LEKR1: variants seen among roughly 807,000 people sequenced by gnomAD.
The protein encoded by LEKR1 is leucine, glutamate and lysine rich 1, also known as protein LEKR1.
In LEKR1, 59 loss-of-function variants were observed where a neutral mutation model predicts 72.4. That is an observed-to-expected ratio of 0.82 (90% CI 0.66 to 1.01). The LOEUF (loss-of-function observed/expected upper bound fraction) is 1.01. Ranked by LOEUF, LEKR1 falls within the 50% of genes least tolerant of loss-of-function variation. The pLI is 0.00. For synonymous variants in LEKR1, 257 were observed against 263.2 expected, an observed-to-expected ratio of 0.98 and a Z score of 0.23; for missense variants, 728 against 759.2, an observed-to-expected ratio of 0.96 and a Z score of 0.48.
chr3:157,038,598 G>A lies in LEKR1; in HGVS notation c.1669-6742G>A, dbSNP rs111689201. Among the ~76,000 whole-genome samples, 227 of 152,252 alleles carry A rather than the reference G, an allele frequency of 1.5e-3. 1 individual carries two copies. The highest frequency in any genetic ancestry group is 5.2e-3 in the African/African-American group (217 of 41,556). On this transcript the variant is annotated intron_variant, in intron 12 of 12. Transcript: ENST00000356539. ...CCTGGGAAGAGGAGTAGAATCTAGC[G>A]ATGGTGACAGAAAAGGAACTTCTGG...
intron 3 of LEKR1, among the ~76,000 whole-genome samples, chr3:156,879,256 G>A (rs966047045): frequency 1.3e-5 from 2 of 152,172 alleles, no homozygotes; most frequent in Non-Finnish European, 2.9e-5. Context: ...GGTTGAGGTG[G>A]TCTCAGATGG....
chr3:156,987,561 A>T (rs1730800289), intron 7 of LEKR1, among the ~76,000 whole-genome samples: 1 of 152,236 alleles, frequency 6.6e-6, no homozygotes, highest in Admixed American at 6.5e-5. Context: ...CTTGGAAAAT[A>T]CAAGGATATA....
chr3:156,999,020 C>A (rs1212513303), intron 9 of LEKR1, among the ~76,000 whole-genome samples: 1 of 152,140 alleles, frequency 6.6e-6, no homozygotes, highest in African/African-American at 2.4e-5. Flanking sequence ...TGAGTGAGTT[C>A]TCACGAGATC....
At chr3:156,916,992 A>G (rs115730807) in intron 3 of LEKR1, among the ~76,000 whole-genome samples, 1,681 of 152,242 alleles carry the variant, frequency 0.011, 11 homozygotes, top group Non-Finnish European at 0.015. Context: ...AAAGAGTCTC[A>G]AAGAGAAACA....
intron 7 of LEKR1, among the ~76,000 whole-genome samples, chr3:156,981,924 C>A (rs1730241593): frequency 6.6e-6 from 1 of 152,130 alleles, no homozygotes; most frequent in African/African-American, 2.4e-5. Context: ...CATTTTTAAT[C>A]CTTATTCTTT....
chr3:156,921,140 T>C (rs190585958), intron 4 of LEKR1: 24 of 152,370 alleles, frequency 1.6e-4, no homozygotes, highest in African/African-American at 5.8e-4. Flanking sequence ...CTTTGGAGGG[T>C]TTATAATACC....
intron 5 of LEKR1, among the ~76,000 whole-genome samples, chr3:156,939,978 A>G (rs1008144590): frequency 2.0e-5 from 3 of 152,042 alleles, no homozygotes; most frequent in African/African-American, 7.2e-5. Flanking sequence ...TTTCTTTTGG[A>G]TATGTGTTTT....
intron 5 of LEKR1, among the ~76,000 whole-genome samples, chr3:156,935,678 A>G (rs1725630620): frequency 1.3e-5 from 2 of 152,192 alleles, no homozygotes; most frequent in African/African-American, 4.8e-5. Flanking sequence ...TGAAAAGATG[A>G]CCGGGAGCCT....
intron 6 of LEKR1, among the ~76,000 whole-genome samples, chr3:156,972,652 A>C (rs1729329843): frequency 6.6e-6 from 1 of 151,382 alleles, no homozygotes; most frequent in Non-Finnish European, 1.5e-5. Flanking sequence ...ATATATAAGG[A>C]CAAATATATC....
At chr3:156,954,117 G>T (rs1163745848) in intron 6 of LEKR1, among the ~76,000 whole-genome samples, 1 of 151,968 alleles carries the variant, frequency 6.6e-6, no homozygotes, top group Admixed American at 6.6e-5. Context: ...TAATGATCAT[G>T]ATGATGAGCT....
At chr3:156,922,070 A>T (rs1202351857) in intron 4 of LEKR1, among the ~76,000 whole-genome samples, 1 of 152,180 alleles carries the variant, frequency 6.6e-6, no homozygotes, top group Non-Finnish European at 1.5e-5. Flanking sequence ...TCTGACTTAC[A>T]TAAAAATAGT....
intron 3 of LEKR1, among the ~76,000 whole-genome samples, chr3:156,870,610 T>A (rs959293153): frequency 6.6e-6 from 1 of 152,110 alleles, no homozygotes; most frequent in South Asian, 2.1e-4. Flanking sequence ...TTTCTAGATA[T>A]TTATATCATC....
intron 6 of LEKR1, chr3:156,977,490 A>C (rs1729798887): frequency 2.3e-6 from 1 of 444,404 alleles, no homozygotes; most frequent in Non-Finnish European, 4.4e-6. Flanking sequence ...TTGCAAGAGA[A>C]TCTCCCTTAG....
chr3:156,894,250 T>C (rs1053777646), intron 3 of LEKR1, among the ~76,000 whole-genome samples: 6 of 152,202 alleles, frequency 3.9e-5, no homozygotes, highest in African/African-American at 1.2e-4. Context: ...CTTCTTTTGC[T>C]GATACTTTCT....
At chr3:157,036,323 G>T (rs920433753) in intron 12 of LEKR1, among the ~76,000 whole-genome samples, 1 of 152,016 alleles carries the variant, frequency 6.6e-6, no homozygotes, top group African/African-American at 2.4e-5. Flanking sequence ...CAATATTTGG[G>T]TTAGATGATA....
At chr3:156,920,288 A>G (rs1724069094) in intron 3 of LEKR1, among the ~76,000 whole-genome samples, 1 of 152,154 alleles carries the variant, frequency 6.6e-6, no homozygotes, top group African/African-American at 2.4e-5. Flanking sequence ...ATTAATATTT[A>G]TGTTCATTGT....
At chr3:156,997,929 G>A (rs73873765) in intron 9 of LEKR1, among the ~76,000 whole-genome samples, 1,781 of 152,340 alleles carry the variant, frequency 0.012, 38 homozygotes, top group African/African-American at 0.041. Context: ...AGAATCTTCA[G>A]TGAAAGGAAA....
intron 7 of LEKR1, among the ~76,000 whole-genome samples, chr3:156,985,998 G>A (rs1272728364): frequency 6.6e-6 from 1 of 152,160 alleles, no homozygotes; most frequent in Non-Finnish European, 1.5e-5. Context: ...GCAGTGATGT[G>A]ATTCGATGAT....
At chr3:156,835,431 C>T (rs918301746) in intron 2 of LEKR1, among the ~76,000 whole-genome samples, 3 of 152,158 alleles carry the variant, frequency 2.0e-5, no homozygotes, top group Non-Finnish European at 4.4e-5. Context: ...TAGAACAGAT[C>T]CCCAAAAATC....
Sources: allele counts gnomAD v4.1 joint callset (sites outside exome capture counted in the v4.1 genomes callset), GRCh38; gene constraint gnomAD v4.1.1; transcripts MANE v1.5; gene names NCBI Gene and HGNC (gene_info 2026-07-23, HGNC 2026-07-21).